The following ZNF567 variants were observed in gnomAD, a reference collection of about 807,000 sequenced individuals.
ZNF567 encodes the protein zinc finger protein 567.
Under a neutral mutation model 53.9 loss-of-function variants are expected in ZNF567, and 36 were observed. The ratio of observed to expected loss-of-function variants is 0.67; its 90% confidence interval spans 0.51 to 0.88. The LOEUF is 0.88. ZNF567 is among the 40% of genes least tolerant of loss of function. The pLI is 0.00. For synonymous variants in ZNF567, 224 were observed against 260.4 expected, an observed-to-expected ratio of 0.86 and a Z score of 1.35; for missense variants, 619 against 764.7, an observed-to-expected ratio of 0.81 and a Z score of 2.25.
chr19:36,724,551 G>A (rs1339757495), downstream of ZNF567, among the ~76,000 whole-genome samples: 7 of 151,680 alleles, frequency 4.6e-5, no homozygotes, highest in South Asian at 2.1e-4. Context: ...GCATGGTGGC[G>A]TGTGCCTGTA....
chr19:36,712,404 G>T lies in ZNF567; in HGVS notation c.28G>T (p.Asp10Tyr), dbSNP rs1437669741. 2 of 1,613,782 alleles carry T rather than the reference G, an allele frequency of 1.2e-6. No homozygotes were observed. The highest frequency in any genetic ancestry group is 2.2e-5 in the South Asian group (2 of 91,074). ...ATTCTAGGGATCAGTGTCTTTCAAT[G>T]ATGTGACTGTGGACTTCACTCAGGA... Reference protein sequence around the residue: MAQGSVSFNDVTVDFTQEEW... With the variant: MAQGSVSFNYVTVDFTQEEW... The change falls in exon 4 of 6, where the codon GAT becomes TAT. Residue 10 changes from aspartate to tyrosine, a missense_variant. Coordinates refer to ENST00000682579, the MANE Select transcript of ZNF567 (RefSeq NM_001322917.1).
At chr19:36,679,153 G>T in the ZNF567 span, among the ~76,000 whole-genome samples, 11 of 152,046 alleles carry the variant, frequency 7.2e-5, no homozygotes, top group Non-Finnish European at 1.5e-4. Context: ...AGGCATGGTG[G>T]TACGCACCTG....
chr19:36,695,770 CA>C (rs2038855808), intron 3 of ZNF567, among the ~76,000 whole-genome samples: 1 of 151,440 alleles, frequency 6.6e-6, no homozygotes, highest in Non-Finnish European at 1.5e-5. Context: ...TATGCAGGGA[CA>C]AAAATGCATT....
At chr19:36,672,311 C>T in the ZNF567 span, among the ~76,000 whole-genome samples, 323 of 152,258 alleles carry the variant, frequency 2.1e-3, 1 homozygote, top group African/African-American at 7.6e-3. Context: ...AAACTGGTGA[C>T]AAGGAATTCT....
chr19:36,686,262 T>C (rs1444039418), upstream of ZNF567, among the ~76,000 whole-genome samples: 2 of 152,216 alleles, frequency 1.3e-5, no homozygotes, highest in African/African-American at 4.8e-5. Flanking sequence ...TTTTCAGATA[T>C]GCTCAGCAAT....
intron 3 of ZNF567, among the ~76,000 whole-genome samples, chr19:36,702,538 T>G (rs1431160345): frequency 6.6e-6 from 1 of 151,968 alleles, no homozygotes. Context: ...TTGGTTCCAT[T>G]CTCCCTGTCA....
At chr19:36,691,402 G>A (rs1352290140) in intron 2 of ZNF567, among the ~76,000 whole-genome samples, 1 of 152,036 alleles carries the variant, frequency 6.6e-6, no homozygotes, top group Non-Finnish European at 1.5e-5. Flanking sequence ...CTAGGCTCAA[G>A]TGATCTGCCC....
the ZNF567 span, among the ~76,000 whole-genome samples, chr19:36,671,096 C>T: frequency 2.0e-5 from 3 of 152,056 alleles, no homozygotes; most frequent in Non-Finnish European, 2.9e-5. Context: ...AGCAAGACTC[C>T]GTCTCAAAAC....
chr19:36,718,458 C>T lies in ZNF567; in HGVS notation c.224-490C>T, dbSNP rs556150312. On this transcript the variant is annotated intron_variant, in intron 5 of 5. Transcript: ENST00000682579. ...AGGTTGCAGTGAGCCGAGATCACGCCACTGCACTCCAGCCTGGGTGACAAA... is the reference window on the plus strand; with the variant it reads ...AGGTTGCAGTGAGCCGAGATCACGCTACTGCACTCCAGCCTGGGTGACAAA... Among the ~76,000 whole-genome samples the T allele has an allele frequency of 7.2e-3, 1,091 of 152,180 alleles. 12 individuals are homozygous for T. The highest frequency in any genetic ancestry group is 0.024 in the African/African-American group (1,014 of 41,512).
At chr19:36,700,406 C>A (rs910629908) in intron 3 of ZNF567, among the ~76,000 whole-genome samples, 10 of 150,782 alleles carry the variant, frequency 6.6e-5, no homozygotes, top group African/African-American at 9.8e-5. Context: ...TGTCTCTGCC[C>A]GGCTTTGGTA....
intron 4 of ZNF567, 127 bp from the exon 5 acceptor site, chr19:36,712,654 A>G: frequency 1.4e-6 from 2 of 1,388,316 alleles, no homozygotes; most frequent in African/African-American, 1.4e-5. Context: ...TCACTTACCC[A>G]GTGCAAGGTG....
At chr19:36,712,650 A>T (rs1039767361) in intron 4 of ZNF567, 131 bp from the exon 5 acceptor site, 1 of 1,409,198 alleles carries the variant, frequency 7.1e-7, no homozygotes, top group Non-Finnish European at 1.0e-6. Flanking sequence ...GTCTTCACTT[A>T]CCCAGTGCAA....
At chr19:36,716,169 C>A (rs773127430) in intron 5 of ZNF567, among the ~76,000 whole-genome samples, 2 of 152,096 alleles carry the variant, frequency 1.3e-5, no homozygotes, top group Non-Finnish European at 2.9e-5. Flanking sequence ...GGAACTGTCA[C>A]AATAAGCCCT....
At chr19:36,723,987 A>G (rs2040323518), downstream of ZNF567, among the ~76,000 whole-genome samples, 1 of 147,782 alleles carries the variant, frequency 6.8e-6, no homozygotes, top group Admixed American at 6.8e-5. Context: ...GCTGTATCAT[A>G]TGGCAATTCT....
At chr19:36,684,257 C>A (rs2038229405), upstream of ZNF567, among the ~76,000 whole-genome samples, 1 of 152,066 alleles carries the variant, frequency 6.6e-6, no homozygotes. Context: ...AAGCCTATAT[C>A]CATGCACTTA....
the ZNF567 span, among the ~76,000 whole-genome samples, chr19:36,680,052 C>T: frequency 6.6e-6 from 1 of 152,046 alleles, no homozygotes; most frequent in East Asian, 1.9e-4. Context: ...TTGATCATTC[C>T]ATCATGTATT....
At chr19:36,721,997 C>T (rs1377939600), downstream of ZNF567, among the ~76,000 whole-genome samples, 1 of 152,046 alleles carries the variant, frequency 6.6e-6, no homozygotes, top group East Asian at 1.9e-4. Flanking sequence ...CCTGCCTCGG[C>T]CTCCCAAAGT....
chr19:36,679,441 G>A, the ZNF567 span, among the ~76,000 whole-genome samples: 6 of 151,396 alleles, frequency 4.0e-5, no homozygotes, highest in Non-Finnish European at 8.8e-5. Context: ...ACAGTGTAGA[G>A]CTTCCTCAAA....
At chr19:36,667,779 A>G in the ZNF567 span, among the ~76,000 whole-genome samples, 321 of 150,844 alleles carry the variant, frequency 2.1e-3, 1 homozygote, top group African/African-American at 7.7e-3. Context: ...CCTCCCGAGT[A>G]GCTGGGACTA....
Sources: allele counts gnomAD v4.1 joint callset (sites outside exome capture counted in the v4.1 genomes callset), GRCh38; gene constraint gnomAD v4.1.1; transcripts MANE v1.5; gene names NCBI Gene and HGNC (gene_info 2026-07-23, HGNC 2026-07-21).